Variants in HMGA2 observed in about 807,000 individuals in gnomAD.
HMGA2 encodes the protein high mobility group AT-hook 2, also known as high mobility group protein HMGI-C.
In HMGA2, 8 loss-of-function variants were observed where a neutral mutation model predicts 19.1. The ratio of observed to expected loss-of-function variants is 0.42; its 90% confidence interval spans 0.25 to 0.76. The LOEUF (loss-of-function observed/expected upper bound fraction) is 0.76, where lower values mean the gene tolerates loss of function less well. Among genes scored for constraint, HMGA2 ranks in the 30% least tolerant of loss-of-function variants. The probability of loss-of-function intolerance (pLI) is 0.28; values close to 1 mark genes in which losing one functional copy is unlikely to be tolerated. For missense variants in HMGA2, 109 were observed against 136.3 expected (o/e 0.80, Z 1.00); for synonymous variants, 60 against 48.8 (o/e 1.23, Z -0.96).
At chr12:65,881,929 GGA>G (rs1468297500) in intron 3 of HMGA2, 10 of 701,334 alleles carry the variant, frequency 1.4e-5, no homozygotes, top group Non-Finnish European at 2.6e-5. Context: ...CAGAAGGCAT[GGA>G]GAGATTCCAA....
Position 65,963,548 on chromosome 12 carries a change from G to A in HMGA2, c.*256G>A. On this transcript the variant is annotated 3_prime_UTR_variant, in exon 5 of 5. Transcript: ENST00000403681. ...AACTGCTGTAAACACAGGGGACACA[G>A]CTTAACAATGCAACTTTTAATTACT... 1.9e-6 allele frequency: 1 copy of A among 520,644 alleles called. No homozygotes were observed. The highest frequency in any genetic ancestry group is 3.4e-6 in the Non-Finnish European group (1 of 294,864). The allele number at this position is 520,644 out of a possible 1,614,324, so 32.3% of individuals were successfully genotyped here.
chr12:65,882,373 C>T (rs1873461664), intron 3 of HMGA2, among the ~76,000 whole-genome samples: 1 of 152,184 alleles, frequency 6.6e-6, no homozygotes, highest in South Asian at 2.1e-4. Flanking sequence ...CCCAGGGAGG[C>T]CCCAGCCACA....
intron 3 of HMGA2, among the ~76,000 whole-genome samples, chr12:65,949,360 G>A (rs892518176): frequency 2.0e-5 from 3 of 152,016 alleles, no homozygotes; most frequent in African/African-American, 7.3e-5. Flanking sequence ...GAGGAACTCT[G>A]AGAGGAAGGG....
chr12:65,949,907 T>A (rs911562221), intron 3 of HMGA2, among the ~76,000 whole-genome samples: 1 of 152,170 alleles, frequency 6.6e-6, no homozygotes, highest in Non-Finnish European at 1.5e-5. Flanking sequence ...AATAAACATT[T>A]CTTCCCAGGA....
intron 3 of HMGA2, among the ~76,000 whole-genome samples, chr12:65,932,521 A>G (rs1875751468): frequency 6.6e-6 from 1 of 152,238 alleles, no homozygotes; most frequent in Non-Finnish European, 1.5e-5. Context: ...ATGTATGTTG[A>G]ATAAATGAAA....
chr12:65,899,492 T>A (rs563286177), intron 3 of HMGA2, among the ~76,000 whole-genome samples: 1 of 152,186 alleles, frequency 6.6e-6, no homozygotes, highest in Non-Finnish European at 1.5e-5. Context: ...TTGCAGGATG[T>A]TTTCTGAATT....
rs900811716 is a variant in HMGA2, at chr12:65,825,214, C to T, written c.-57C>T. On this transcript the variant is annotated 5_prime_UTR_variant, in exon 1 of 5. Transcript: ENST00000403681. The surrounding 1 kb of genome is among the most constrained non-coding windows in gnomAD (Gnocchi z 4.4). Reference sequence around the variant, plus strand: ...TCATCTCCCGAAAGGTGCTGGGCAGCTCCGGGGCGGTCGAGGCGAAGCGGC... The same window carrying T: ...TCATCTCCCGAAAGGTGCTGGGCAGTTCCGGGGCGGTCGAGGCGAAGCGGC... 71 of 1,438,988 alleles carry T rather than the reference C, an allele frequency of 4.9e-5. No homozygotes were observed. Among genetic ancestry groups the T allele is most frequent in the Non-Finnish European group, 6.6e-5 (70 of 1,068,380 alleles). The allele number at this position is 1,438,988 out of a possible 1,614,324, so 89.1% of individuals were successfully genotyped here.
chr12:65,892,870 A>G (rs916254526), intron 3 of HMGA2, among the ~76,000 whole-genome samples: 2 of 152,198 alleles, frequency 1.3e-5, no homozygotes, highest in Non-Finnish European at 2.9e-5. Flanking sequence ...GACTTCAAGC[A>G]CAATTATAAA....
Position 65,880,355 on chromosome 12 carries a change from C to T in HMGA2, c.249+41786C>T, listed in dbSNP as rs1265672687. Among the ~76,000 whole-genome samples, 13 of 152,198 alleles carry T rather than the reference C, an allele frequency of 8.5e-5. 1 individual carries two copies. On this transcript the variant is annotated intron_variant, in intron 3 of 4. Coordinates refer to ENST00000403681, the MANE Select transcript of HMGA2 (RefSeq NM_003483.6). ...GAAAACTTTGCAAAAATATTTCTCT[C>T]AGAGGTTATGGCAATGAAGGATTTT...
At chr12:65,881,569 C>G in intron 3 of HMGA2, 2 of 598,936 alleles carry the variant, frequency 3.3e-6, no homozygotes, top group Non-Finnish European at 6.0e-6. Context: ...ATGGAAAGAT[C>G]CAGTTATGAC....
At chr12:65,956,175 T>C (rs943404012) in intron 4 of HMGA2, 3 of 152,216 alleles carry the variant, frequency 2.0e-5, no homozygotes, top group Non-Finnish European at 4.4e-5. Context: ...CATAATGATT[T>C]ATACTGCCTA....
chr12:65,875,563 G>A, intron 3 of HMGA2, among the ~76,000 whole-genome samples: 1 of 131,166 alleles, frequency 7.6e-6, no homozygotes, highest in South Asian at 2.5e-4. Context: ...AGTTGGGATT[G>A]CGGGCATATG....
intron 3 of HMGA2, chr12:65,857,000 G>A (rs542871665): frequency 1.3e-5 from 2 of 152,268 alleles, no homozygotes; most frequent in South Asian, 4.1e-4. Context: ...TATCTTTTTA[G>A]GGGACACAAT....
At chr12:65,962,988 T>TTGAATTTGC (rs1192406122) in intron 4 of HMGA2, among the ~76,000 whole-genome samples, 1 of 152,098 alleles carries the variant, frequency 6.6e-6, no homozygotes, top group Non-Finnish European at 1.5e-5. Flanking sequence ...CAGCAAACAA[T>TTGAATTTGC]TGAATTTGCT....
chr12:65,880,979 T>A (rs759898636), intron 3 of HMGA2, among the ~76,000 whole-genome samples: 5 of 152,174 alleles, frequency 3.3e-5, no homozygotes, highest in Non-Finnish European at 5.9e-5. Flanking sequence ...AAATAATGCC[T>A]GTAGGGAAAA....
At chr12:65,893,469 G>A (rs1874000383) in intron 3 of HMGA2, among the ~76,000 whole-genome samples, 1 of 152,130 alleles carries the variant, frequency 6.6e-6, no homozygotes, top group South Asian at 2.1e-4. Context: ...AATTTTTTAA[G>A]GTAGCATTTG....
intron 3 of HMGA2, among the ~76,000 whole-genome samples, chr12:65,899,599 C>T (rs1293462337): frequency 6.6e-6 from 1 of 152,226 alleles, no homozygotes. Flanking sequence ...AACGTTCTGA[C>T]CAGCTTTCCG....
chr12:65,874,925 T>G (rs1403935004), intron 3 of HMGA2, among the ~76,000 whole-genome samples: 1 of 152,162 alleles, frequency 6.6e-6, no homozygotes, highest in East Asian at 1.9e-4. Context: ...GCAAGAAAAT[T>G]GGGATCTCAC....
intron 3 of HMGA2, among the ~76,000 whole-genome samples, chr12:65,927,949 GTATATATA>G (rs10581504): frequency 2.0e-5 from 3 of 146,402 alleles, no homozygotes; most frequent in Non-Finnish European, 4.5e-5. Flanking sequence ...ATGTATGTGA[GTATATATA>G]TATATATATG....
Sources: gnomAD v4.1 joint callset for allele counts (sites outside exome capture counted in the v4.1 genomes callset) on GRCh38, gnomAD v4.1.1 for gene constraint, Gnocchi (gnomAD v3.1) non-coding constraint, MANE v1.5 for transcripts, NCBI Gene and HGNC (gene_info 2026-07-23, HGNC 2026-07-21) for gene names.